The following PCSK2 variants were observed in gnomAD, a reference collection of about 807,000 sequenced individuals.
The protein encoded by PCSK2 is proprotein convertase subtilisin/kexin type 2, also known as neuroendocrine convertase 2.
Under a neutral mutation model 69.7 loss-of-function variants are expected in PCSK2, and 14 were observed. The observed-to-expected ratio is 0.20, with a 90% CI of 0.13 to 0.31. PCSK2 has a LOEUF of 0.31. Among genes scored for constraint, PCSK2 ranks in the 10% least tolerant of loss-of-function variants. The pLI, the probability that PCSK2 is intolerant of heterozygous loss-of-function variation, is 1.00. For missense variants in PCSK2, 544 were observed against 842.5 expected (o/e 0.65, Z 4.39); for synonymous variants, 307 against 320.7 (o/e 0.96, Z 0.46).
At position 17,483,510 on chromosome 20, in the gene PCSK2, C is replaced by T. The variant is rs1038322120; in HGVS notation, c.*1440C>T. ...TTCCCAAGAAATGCTTTGTCTTCAGCCTCTCCAGGCACCATCTCCCTTCCT... is the reference window on the plus strand; with the variant it reads ...TTCCCAAGAAATGCTTTGTCTTCAGTCTCTCCAGGCACCATCTCCCTTCCT... On this transcript the variant is annotated 3_prime_UTR_variant, in exon 12 of 12. Coordinates refer to ENST00000262545, the MANE Select transcript of PCSK2 (RefSeq NM_002594.5). The T allele has an allele frequency of 2.6e-5, 4 of 152,272 alleles. No homozygotes were observed. The highest frequency in any genetic ancestry group is 9.6e-5 in the African/African-American group (4 of 41,462). 9.4% of individuals were successfully genotyped at this position (152,272 alleles called of 1,614,324 possible).
At chr20:17,235,858 T>C (rs1311055149) in intron 1 of PCSK2, among the ~76,000 whole-genome samples, 8 of 152,172 alleles carry the variant, frequency 5.3e-5, no homozygotes, top group African/African-American at 1.9e-4. Flanking sequence ...GTCAAGACAG[T>C]ATTTTTACAC....
chr20:17,461,468 C>G (rs2033013071), intron 10 of PCSK2, among the ~76,000 whole-genome samples: 1 of 152,142 alleles, frequency 6.6e-6, no homozygotes, highest in African/African-American at 2.4e-5. Context: ...CAACTTGCTC[C>G]AGGTCACACA....
intron 2 of PCSK2, among the ~76,000 whole-genome samples, chr20:17,329,284 G>A (rs995343555): frequency 6.6e-6 from 1 of 152,082 alleles, no homozygotes; most frequent in African/African-American, 2.4e-5. Flanking sequence ...ATAAGTCTGG[G>A]CTGTTTTACA....
chr20:17,301,751 T>G (rs1160153804), intron 2 of PCSK2, among the ~76,000 whole-genome samples: 1 of 151,954 alleles, frequency 6.6e-6, no homozygotes, highest in Non-Finnish European at 1.5e-5. Context: ...GCCAACATGG[T>G]GAAACCCAGT....
intron 7 of PCSK2, among the ~76,000 whole-genome samples, chr20:17,433,785 T>C (rs1013170798): frequency 2.5e-5 from 1 of 40,806 alleles, no homozygotes; most frequent in African/African-American, 8.5e-5. Context: ...CTCCTTTGAT[T>C]TCTCTCTCTC....
intron 2 of PCSK2, among the ~76,000 whole-genome samples, chr20:17,309,394 T>C (rs1989430159): frequency 6.6e-6 from 1 of 152,180 alleles, no homozygotes; most frequent in African/African-American, 2.4e-5. Flanking sequence ...GTCTCCAAAA[T>C]TTATTTAAAA....
chr20:17,371,019 T>C (rs2030744534), intron 5 of PCSK2, among the ~76,000 whole-genome samples: 1 of 152,126 alleles, frequency 6.6e-6, no homozygotes, highest in Non-Finnish European at 1.5e-5. Context: ...TCCCTCCATC[T>C]CCAGGACCCA....
chr20:17,479,147 C>T (rs2033343738), intron 11 of PCSK2: 3 of 1,370,312 alleles, frequency 2.2e-6, no homozygotes, highest in Non-Finnish European at 3.1e-6. Context: ...TCCCATCTTA[C>T]GGTACAGGTT....
chr20:17,320,850 G>C (rs754110434), intron 2 of PCSK2, among the ~76,000 whole-genome samples: 1 of 152,190 alleles, frequency 6.6e-6, no homozygotes, highest in Non-Finnish European at 1.5e-5. Flanking sequence ...ATATGGGAAA[G>C]GCTAGAGTCC....
chr20:17,316,757 T>C (rs1201399208), intron 2 of PCSK2, among the ~76,000 whole-genome samples: 2 of 152,222 alleles, frequency 1.3e-5, no homozygotes, highest in Admixed American at 1.3e-4. Flanking sequence ...TGTGTGATGT[T>C]GTAGTTGTGA....
chr20:17,231,304 T>A (rs1329050506), intron 1 of PCSK2, among the ~76,000 whole-genome samples: 1 of 152,180 alleles, frequency 6.6e-6, no homozygotes, highest in Non-Finnish European at 1.5e-5. Flanking sequence ...TAGTAAAAAA[T>A]TAATAAATTT....
In PCSK2 at chr20:17,393,216, A is replaced by G. The variant is rs887508206; in HGVS notation, c.544-16047A>G. ...ACCAGAACATCACTTGCCCGTTTTT[A>G]TTTTAGGTCTCGTGTCAAGCTAAGC... On this transcript the variant is annotated intron_variant, in intron 5 of 11. Coordinates refer to ENST00000262545, the MANE Select transcript of PCSK2 (RefSeq NM_002594.5). Among the ~76,000 whole-genome samples the G allele has an allele frequency of 3.8e-4, 58 of 152,114 alleles. 1 individual carries two copies. Among genetic ancestry groups the G allele is most frequent in the Admixed American group, 3.4e-3 (52 of 15,272 alleles).
At chr20:17,351,853 A>C (rs562503375) in intron 2 of PCSK2, among the ~76,000 whole-genome samples, 2 of 152,310 alleles carry the variant, frequency 1.3e-5, no homozygotes, top group East Asian at 3.9e-4. Flanking sequence ...AGCCACAGGA[A>C]TCAGGCAAGA....
chr20:17,265,468 G>GA (rs920065016), intron 2 of PCSK2, among the ~76,000 whole-genome samples: 14 of 151,582 alleles, frequency 9.2e-5, no homozygotes, highest in Non-Finnish European at 1.6e-4. Flanking sequence ...TTTATTGAAG[G>GA]AAAAAAATAA....
intron 6 of PCSK2, among the ~76,000 whole-genome samples, chr20:17,421,807 TAAAAAAAAAAAAAAAAA>T (rs56376793): frequency 1.3e-5 from 1 of 78,972 alleles, no homozygotes; most frequent in African/African-American, 5.0e-5. Context: ...GGAAGAGAGG[TAAAAAAAAAAAAAAAAA>T]AAAAAAAAAA....
chr20:17,407,979 C>T (rs1028493889), intron 5 of PCSK2, among the ~76,000 whole-genome samples: 1 of 152,084 alleles, frequency 6.6e-6, no homozygotes, highest in African/African-American at 2.4e-5. Context: ...AACAATAAAA[C>T]AAAAATTAAT....
At chr20:17,227,571 TTC>T (rs1409500938) in intron 1 of PCSK2, 89 bp downstream of exon 1, 3 of 947,290 alleles carry the variant, frequency 3.2e-6, no homozygotes, top group East Asian at 2.6e-5. Context: ...TTTGCAAGTT[TTC>T]TCTCTTTCTC....
chr20:17,282,038 A>G (rs1988335834), intron 2 of PCSK2, among the ~76,000 whole-genome samples: 1 of 152,064 alleles, frequency 6.6e-6, no homozygotes, highest in South Asian at 2.1e-4. Context: ...ACCCTGGAAT[A>G]TTCTCTATTA....
intron 11 of PCSK2, among the ~76,000 whole-genome samples, chr20:17,480,955 C>A (rs1223719607): frequency 6.6e-6 from 1 of 152,116 alleles, no homozygotes; most frequent in Non-Finnish European, 1.5e-5. Flanking sequence ...ATTCTCGTGC[C>A]TGGGGTGGGA....
Sources: allele counts gnomAD v4.1 joint callset (sites outside exome capture counted in the v4.1 genomes callset), GRCh38; gene constraint gnomAD v4.1.1; transcripts MANE v1.5; gene names NCBI Gene and HGNC (gene_info 2026-07-23, HGNC 2026-07-21).